OAS1: variants seen among roughly 807,000 people sequenced by gnomAD.
OAS1 encodes 2'-5'-oligoadenylate synthase 1.
OAS1 carries 24 observed loss-of-function variants against 38.5 expected under a neutral mutation model. That is an observed-to-expected ratio of 0.62 (90% CI 0.45 to 0.88). The LOEUF (loss-of-function observed/expected upper bound fraction) is 0.88. OAS1 is among the 40% of genes least tolerant of loss of function. OAS1 has a pLI of 0.00. For synonymous variants in OAS1, 169 were observed against 193.9 expected (o/e 0.87, Z 1.07); for missense variants, 482 against 493.9 (o/e 0.98, Z 0.23).
At chr12:112,922,953 C>CAA (rs1256318748), downstream of OAS1, among the ~76,000 whole-genome samples, 41 of 152,294 alleles carry the variant, frequency 2.7e-4, no homozygotes, top group Non-Finnish European at 4.7e-4. Context: ...TGGTCTTGAA[C>CAA]TCCTGGCCTC....
At position 112,931,974 on chromosome 12, in the gene OAS1, T is replaced by C. The variant is rs1342307423; in HGVS notation, c.*52T>C. On this transcript the variant is annotated 3_prime_UTR_variant, in exon 7 of 7. Transcript: ENST00000540589. Reference sequence around the variant, plus strand: ...CAAGAGGAGCCTCATTATCCTATAGTTTCCAGGTTGCTTAGGGAGGCAGAA... The same window carrying C: ...CAAGAGGAGCCTCATTATCCTATAGCTTCCAGGTTGCTTAGGGAGGCAGAA... The C allele has an allele frequency of 1.3e-5, 9 of 697,938 alleles. No homozygotes were observed. The East Asian group carries it at 1.9e-4, about 15-fold the overall frequency. 43.2% of individuals were successfully genotyped at this position (697,938 alleles called of 1,614,324 possible). A position where few individuals can be genotyped will look rare whatever the true frequency, so the allele number is the denominator to read the frequency against.
At chr12:112,930,196 A>G (rs2043589053) in intron 6 of OAS1, among the ~76,000 whole-genome samples, 1 of 152,116 alleles carries the variant, frequency 6.6e-6, no homozygotes. Context: ...GCCTTCTGCT[A>G]TGATTGTAAG....
At chr12:112,921,093 C>T (rs760482828), downstream of OAS1, among the ~76,000 whole-genome samples, 3 of 152,152 alleles carry the variant, frequency 2.0e-5, no homozygotes, top group Non-Finnish European at 4.4e-5. Flanking sequence ...GATGAATGTC[C>T]CAGCTCAACC....
At chr12:112,917,922 GTAA>G in intron 5 of OAS1, 1 of 1,440,788 alleles carries the variant, frequency 6.9e-7, no homozygotes, top group South Asian at 1.5e-5. Flanking sequence ...TCCCCTAAGA[GTAA>G]TAATAAATAA....
intron 6 of OAS1, among the ~76,000 whole-genome samples, chr12:112,929,793 C>CA (rs1227221946): frequency 6.6e-6 from 1 of 152,080 alleles, no homozygotes; most frequent in Non-Finnish European, 1.5e-5. Context: ...GGGAGATAAG[C>CA]AAGAAGATGA....
intron 3 of OAS1, 116 bp from the exon 4 acceptor site, chr12:112,916,393 C>A: frequency 2.8e-6 from 2 of 719,424 alleles, no homozygotes; most frequent in Non-Finnish European, 4.7e-6. Context: ...AGCCTGGATT[C>A]GTTCCAAGGA....
In OAS1 at chr12:112,919,466, G is replaced by A. The variant is rs752922906; in HGVS notation, c.1116G>A (p.Glu372=). Residue 372 remains glutamate, a synonymous_variant, in exon 6 of 6, where the codon GAG becomes GAA. Transcript: ENST00000202917. ...AATATGGTTACATTGGAACACATGA[G>A]TACCCTCATTTCTCTCATAGACCCA... ...YQKYGYIGTH[E]YPHFSHRPST... is the part of the protein sequence containing the mutation. The A allele has an allele frequency of 1.2e-5, 20 of 1,614,192 alleles. No homozygotes were observed. The South Asian group carries it at 2.0e-4, about 16-fold the overall frequency.
At chr12:112,926,764 A>G (rs1172255978) in intron 6 of OAS1, among the ~76,000 whole-genome samples, 3 of 152,194 alleles carry the variant, frequency 2.0e-5, no homozygotes, top group Non-Finnish European at 4.4e-5. Flanking sequence ...CAGTCTGACT[A>G]GAATTCGCCA....
downstream of OAS1, among the ~76,000 whole-genome samples, chr12:112,923,586 A>G (rs1165341761): frequency 6.6e-6 from 1 of 152,216 alleles, no homozygotes; most frequent in East Asian, 1.9e-4. Context: ...AGTGAGTGGT[A>G]GGAGTTCCTT....
chr12:112,925,710 C>T (rs1463505851), intron 6 of OAS1, among the ~76,000 whole-genome samples: 1 of 152,080 alleles, frequency 6.6e-6, no homozygotes, highest in Admixed American at 6.5e-5. Flanking sequence ...TCCTTGAGCC[C>T]ACGAAGTCAA....
Position 112,917,605 on chromosome 12 carries a change from G to A in OAS1, c.943G>A (p.Gly315Ser), listed in dbSNP as rs2136321241. The A allele has an allele frequency of 3.1e-6, 5 of 1,614,160 alleles. No individual in the cohort carries two copies. The highest frequency in any genetic ancestry group is 1.7e-5 in the Admixed American group (1 of 60,022). ...AAACTTGGGTGGTGGAGACCCAAAG[G>A]GTTGGAGGCAGCTGGCACAAGAGGC... Reference protein sequence around the residue: ...TGNLGGGDPKGWRQLAQEAEA... With the variant: ...TGNLGGGDPKSWRQLAQEAEA... The change falls in exon 5 of 6, where the codon GGT (glycine) becomes AGT (serine). Residue 315 changes from glycine (G) to serine (S), a missense_variant. By Grantham distance (56) the Gly-to-Ser change is moderately conservative. Transcript: ENST00000202917.
In OAS1 at chr12:112,932,061, CCTCT is replaced by C. The variant is rs1481983066; in HGVS notation, c.*146_*149del. 6 of 621,330 alleles carry C rather than the reference CCTCT, an allele frequency of 9.7e-6. No homozygotes were observed. The Admixed American group carries it at 1.3e-4, about 14-fold the overall frequency. 38.5% of individuals were successfully genotyped at this position (621,330 alleles called of 1,614,324 possible). On this transcript the variant is annotated 3_prime_UTR_variant, in exon 7 of 7. Coordinates refer to the OAS1 transcript ENST00000540589. ...TCTCATAAAATTAATTGCAACCCAA[CCTCT>C]CTCTCTACTTAAAATTAGCATCTAT...
At chr12:112,923,478 A>G (rs1442277254), downstream of OAS1, among the ~76,000 whole-genome samples, 1 of 152,182 alleles carries the variant, frequency 6.6e-6, no homozygotes, top group Non-Finnish European at 1.5e-5. Flanking sequence ...TATTGAGTAT[A>G]TTTTCATAGA....
At chr12:112,910,404 TA>T (rs1565959379) in intron 2 of OAS1, among the ~76,000 whole-genome samples, 1 of 151,874 alleles carries the variant, frequency 6.6e-6, no homozygotes, top group Non-Finnish European at 1.5e-5. Flanking sequence ...AAGGAGTGAT[TA>T]AAAAAGAAAA....
downstream of OAS1, among the ~76,000 whole-genome samples, chr12:112,921,035 C>T (rs2043525534): frequency 6.6e-6 from 1 of 152,184 alleles, no homozygotes; most frequent in Non-Finnish European, 1.5e-5. Context: ...TGTTTTCCTA[C>T]TCTGGCGCCA....
intron 3 of OAS1, among the ~76,000 whole-genome samples, chr12:112,914,428 A>G (rs2136311551): frequency 6.6e-6 from 1 of 152,250 alleles, no homozygotes; most frequent in East Asian, 1.9e-4. Context: ...TTTTTTGTAT[A>G]ATGACTTCTT....
rs2043460863 is a variant in OAS1 at position 112,916,581 on chromosome 12, G to A, written c.727G>A (p.Gly243Arg). 1.2e-6 allele frequency: 2 copies of A among 1,613,998 alleles called. No individual in the cohort carries two copies. Among genetic ancestry groups the A allele is most frequent in the African/African-American group, 1.3e-5 (1 of 74,886 alleles). Residue 243 changes from glycine to arginine, a missense_variant, in exon 4 of 6, where the codon GGG becomes AGG. Transcript: ENST00000202917. ...ELLTVYAWER[G>R]SMKTHFNTAQ... ...CCTGACGGTCTATGCTTGGGAGCGAGGGAGCATGAAAACACATTTCAACAC... is the reference window on the plus strand; with the variant it reads ...CCTGACGGTCTATGCTTGGGAGCGAAGGAGCATGAAAACACATTTCAACAC...
downstream of OAS1, among the ~76,000 whole-genome samples, chr12:112,921,533 A>G (rs756983719): frequency 3.3e-5 from 5 of 152,204 alleles, no homozygotes; most frequent in Non-Finnish European, 2.9e-5. Context: ...TTCAAAGGGC[A>G]TAGACATTTT....
At chr12:112,925,684 G>A (rs1214176312) in intron 6 of OAS1, among the ~76,000 whole-genome samples, 2 of 152,162 alleles carry the variant, frequency 1.3e-5, no homozygotes, top group East Asian at 1.9e-4. Flanking sequence ...TACTCAGGAG[G>A]CTGAGGAGGA....
Sources: allele counts gnomAD v4.1 joint callset (sites outside exome capture counted in the v4.1 genomes callset), GRCh38; gene constraint gnomAD v4.1.1; transcripts MANE v1.5; gene names NCBI Gene and HGNC (gene_info 2026-07-23, HGNC 2026-07-21).